The following FAM107B variants were observed in gnomAD, a reference collection of about 807,000 sequenced individuals.
The protein encoded by FAM107B is family with sequence similarity 107 member B, also known as protein FAM107B.
Under a neutral mutation model 31.5 loss-of-function variants are expected in FAM107B, and 21 were observed. The observed-to-expected ratio is 0.67, with a 90% CI of 0.47 to 0.96. The LOEUF is 0.96. Among genes scored for constraint, FAM107B ranks in the 40% least tolerant of loss-of-function variants. The probability of loss-of-function intolerance (pLI) is 0.00; values close to 1 mark genes in which losing one functional copy is unlikely to be tolerated. For synonymous variants in FAM107B, 157 were observed against 141.5 expected, an observed-to-expected ratio of 1.11 and a Z score of -0.78; for missense variants, 452 against 377.1, an observed-to-expected ratio of 1.20 and a Z score of -1.64.
At chr10:14,598,159 T>C (rs991680699) in intron 2 of FAM107B, among the ~76,000 whole-genome samples, 5 of 152,324 alleles carry the variant, frequency 3.3e-5, no homozygotes, top group East Asian at 3.9e-4. Flanking sequence ...TCCTTTGCTG[T>C]GCAGAAGCTT....
In FAM107B at chr10:14,735,160, G is replaced by A. The variant is rs577632128; in HGVS notation, c.411+39093C>T. On this transcript the variant is annotated intron_variant, in intron 1 of 4. Coordinates refer to ENST00000181796, the MANE Select transcript of FAM107B (RefSeq NM_031453.4). ...CAGAATTTATTCCTCAAGAGCCAACGGCCTTTTGTGATAGGATAGATCAAG... is the reference window on the plus strand; with the variant it reads ...CAGAATTTATTCCTCAAGAGCCAACAGCCTTTTGTGATAGGATAGATCAAG... Among the ~76,000 whole-genome samples, 80 of 152,344 alleles carry A rather than the reference G, an allele frequency of 5.3e-4. No homozygotes were observed. The South Asian group carries it at 0.015, about 28-fold the overall frequency.
intron 1 of FAM107B, among the ~76,000 whole-genome samples, chr10:14,725,528 T>G (rs1003035558): frequency 1.3e-5 from 2 of 152,168 alleles, no homozygotes; most frequent in African/African-American, 4.8e-5. Context: ...GCAGATCCAG[T>G]GTCTAGTTAA....
At chr10:14,757,098 C>A (rs1318914377) in intron 1 of FAM107B, among the ~76,000 whole-genome samples, 2 of 152,026 alleles carry the variant, frequency 1.3e-5, no homozygotes, top group Non-Finnish European at 2.9e-5. Context: ...ACAACAAACC[C>A]CCATGACACA....
At position 14,524,737 on chromosome 10, in the gene FAM107B, G is replaced by T. The variant is rs574992383; in HGVS notation, c.654-2718C>A. ...TAAGGGGTTTAAATTTTAGGATTAA[G>T]AATTTAGCTATCTGAATAATTTAAA... is the stretch of plus-strand genomic sequence containing the variant. On this transcript the variant is annotated intron_variant, in intron 3 of 4. Coordinates refer to ENST00000181796, the MANE Select transcript of FAM107B (RefSeq NM_031453.4). 1.1e-3 allele frequency among the ~76,000 whole-genome samples: 161 copies of T among 151,872 alleles called. 1 individual carries two copies. Among genetic ancestry groups the T allele is most frequent in the Admixed American group, 2.8e-3 (43 of 15,266 alleles).
chr10:14,708,876 T>A (rs770362139), intron 1 of FAM107B, among the ~76,000 whole-genome samples: 1 of 128,188 alleles, frequency 7.8e-6, no homozygotes, highest in Admixed American at 7.7e-5. Context: ...AATTAGCATA[T>A]GAAAAGATGC....
At chr10:14,762,934 T>A (rs1233890643) in intron 1 of FAM107B, among the ~76,000 whole-genome samples, 1 of 152,188 alleles carries the variant, frequency 6.6e-6, no homozygotes, top group Admixed American at 6.5e-5. Context: ...GTTGTATTCC[T>A]ATATGTTAAT....
chr10:14,744,033 C>A (rs1450670633), intron 1 of FAM107B, among the ~76,000 whole-genome samples: 1 of 152,092 alleles, frequency 6.6e-6, no homozygotes, highest in African/African-American at 2.4e-5. Context: ...TTTCTTTGGG[C>A]AGTGGTTTGT....
chr10:14,614,776 C>A (rs1256824563), intron 2 of FAM107B, among the ~76,000 whole-genome samples: 1 of 151,374 alleles, frequency 6.6e-6, no homozygotes, highest in African/African-American at 2.4e-5. Flanking sequence ...CAAGTGAGAC[C>A]AGGGTTTCAA....
At chr10:14,522,478 C>A (rs950197656) in intron 3 of FAM107B, among the ~76,000 whole-genome samples, 3 of 151,330 alleles carry the variant, frequency 2.0e-5, no homozygotes, top group Non-Finnish European at 4.4e-5. Flanking sequence ...CAGTGGCAGG[C>A]AATCTAGGCT....
intron 2 of FAM107B, among the ~76,000 whole-genome samples, chr10:14,623,821 T>C (rs981305486): frequency 2.0e-5 from 3 of 152,198 alleles, no homozygotes; most frequent in African/African-American, 4.8e-5. Context: ...GGGGACTCTG[T>C]CTTAAATAGA....
chr10:14,684,848 C>T (rs1292537387), intron 1 of FAM107B, among the ~76,000 whole-genome samples: 1 of 150,520 alleles, frequency 6.6e-6, no homozygotes, highest in African/African-American at 2.5e-5. Flanking sequence ...TGAGACAAAA[C>T]CTCACTCTGT....
chr10:14,648,659 G>C (rs993068270), intron 2 of FAM107B, among the ~76,000 whole-genome samples: 3 of 152,176 alleles, frequency 2.0e-5, no homozygotes, highest in African/African-American at 7.2e-5. Context: ...CCCCACCCAG[G>C]TGCGTCGGTG....
intron 1 of FAM107B, among the ~76,000 whole-genome samples, chr10:14,750,198 C>G (rs933738761): frequency 1.3e-5 from 2 of 152,214 alleles, no homozygotes; most frequent in South Asian, 2.1e-4. Flanking sequence ...AAAGGTATCC[C>G]CAGAGACAAC....
intron 2 of FAM107B, among the ~76,000 whole-genome samples, chr10:14,622,928 T>C (rs761306102): frequency 6.6e-6 from 1 of 152,188 alleles, no homozygotes; most frequent in Non-Finnish European, 1.5e-5. Context: ...ATTCATTAAC[T>C]ACACAATTTC....
At chr10:14,762,239 C>A (rs911949989) in intron 1 of FAM107B, among the ~76,000 whole-genome samples, 1 of 152,154 alleles carries the variant, frequency 6.6e-6, no homozygotes, top group Non-Finnish European at 1.5e-5. Context: ...GACCAAAAGC[C>A]AAGTTCATGC....
intron 1 of FAM107B, among the ~76,000 whole-genome samples, chr10:14,700,350 G>A (rs139426405): frequency 1.3e-5 from 2 of 152,308 alleles, no homozygotes; most frequent in East Asian, 3.9e-4. Flanking sequence ...TAACCCCTGG[G>A]CAGGAGAACT....
intron 2 of FAM107B, among the ~76,000 whole-genome samples, chr10:14,580,124 C>T (rs1271384812): frequency 6.6e-6 from 1 of 152,022 alleles, no homozygotes; most frequent in Non-Finnish European, 1.5e-5. Flanking sequence ...CTTTGGGAGG[C>T]CCAGGTGGGT....
At chr10:14,555,912 C>CACACACACAG (rs1849655731) in intron 2 of FAM107B, 1 of 154,458 alleles carries the variant, frequency 6.5e-6, no homozygotes, top group Non-Finnish European at 1.4e-5. Context: ...CACACACACA[C>CACACACACAG]ACACACACAC....
In FAM107B at chr10:14,774,492, C is replaced by T; in HGVS notation, c.172G>A (p.Ala58Thr). ...TGTCTTGGCTGTCTGCCTGCTTTGG[C>T]CACAGGCTGCACACGGACGGTGGAA... ...THSTVRVQPVAKAGRQPRHPS... is the reference protein window; with the variant it reads ...THSTVRVQPVTKAGRQPRHPS... Residue 58 changes from alanine (A) to threonine (T), a missense_variant, in exon 1 of 5, where the codon GCC (alanine) becomes ACC (threonine). Ala to Thr is a moderately conservative substitution (Grantham distance 58). Coordinates refer to ENST00000181796, the MANE Select transcript of FAM107B (RefSeq NM_031453.4). 1.2e-6 allele frequency: 2 copies of T among 1,614,198 alleles called. No homozygotes were observed. The highest frequency in any genetic ancestry group is 1.7e-6 in the Non-Finnish European group (2 of 1,180,030).
Sources: allele counts gnomAD v4.1 joint callset (sites outside exome capture counted in the v4.1 genomes callset), GRCh38; gene constraint gnomAD v4.1.1; transcripts MANE v1.5; gene names NCBI Gene and HGNC (gene_info 2026-07-23, HGNC 2026-07-21).